Variants in RBFOX1 observed in about 807,000 individuals in gnomAD.
RBFOX1 encodes RNA binding fox-1 homolog 1.
Under a neutral mutation model 57.7 loss-of-function variants are expected in RBFOX1, and 8 were observed. The ratio of observed to expected loss-of-function variants is 0.14; its 90% CI spans 0.08 to 0.25. The LOEUF (loss-of-function observed/expected upper bound fraction) is 0.25. Among genes scored for constraint, RBFOX1 ranks in the 10% least tolerant of loss-of-function variants. The probability of loss-of-function intolerance (pLI) is 1.00; values close to 1 mark genes in which losing one functional copy is unlikely to be tolerated. For synonymous variants in RBFOX1, 326 were observed against 222.4 expected (o/e 1.47, Z -4.15); for missense variants, 611 against 548.5 (o/e 1.11, Z -1.14).
intron 5 of RBFOX1, among the ~76,000 whole-genome samples, chr16:7,530,007 T>TAAAAAAAAAAAAA (rs1601007128): frequency 9.3e-5 from 1 of 10,778 alleles, no homozygotes; most frequent in Non-Finnish European, 2.6e-4. Flanking sequence ...AGACTCCATC[T>TAAAAAAAAAAAAA]CAAAAAAAAA....
intron 3 of RBFOX1, among the ~76,000 whole-genome samples, chr16:6,893,203 C>G (rs762840415): frequency 6.6e-6 from 1 of 152,088 alleles, no homozygotes; most frequent in South Asian, 2.1e-4. Context: ...AGGAAATGGA[C>G]AAGCTCACAG....
At chr16:7,320,102 C>T (rs911066123) in intron 4 of RBFOX1, among the ~76,000 whole-genome samples, 1 of 152,132 alleles carries the variant, frequency 6.6e-6, no homozygotes, top group African/African-American at 2.4e-5. Flanking sequence ...TTGCAGGATA[C>T]ATGTGCAGGA....
intron 4 of RBFOX1, among the ~76,000 whole-genome samples, chr16:7,218,901 T>C (rs1172328143): frequency 6.6e-6 from 1 of 152,170 alleles, no homozygotes; most frequent in East Asian, 1.9e-4. Context: ...AGTTAGCATG[T>C]TCAGCACAAT....
chr16:6,559,228 A>G (rs879502872), intron 2 of RBFOX1, among the ~76,000 whole-genome samples: 2 of 152,052 alleles, frequency 1.3e-5, no homozygotes, highest in Non-Finnish European at 2.9e-5. Context: ...CAATGTCTAG[A>G]TAAGTTGTGC....
intron 2 of RBFOX1, among the ~76,000 whole-genome samples, chr16:6,559,442 A>G (rs2097150256): frequency 6.6e-6 from 1 of 152,038 alleles, no homozygotes; most frequent in Non-Finnish European, 1.5e-5. Flanking sequence ...TCTCAGCACC[A>G]TCTTCTCTTT....
intron 2 of RBFOX1, among the ~76,000 whole-genome samples, chr16:6,421,978 T>A (rs2093786867): frequency 6.9e-6 from 1 of 145,734 alleles, no homozygotes; most frequent in Non-Finnish European, 1.5e-5. Context: ...TGGAGTGCAG[T>A]GGTGCTATCT....
intron 4 of RBFOX1, among the ~76,000 whole-genome samples, chr16:5,921,219 T>C (rs1423926843): frequency 6.6e-6 from 1 of 152,254 alleles, no homozygotes; most frequent in Admixed American, 6.5e-5. Flanking sequence ...GGTCCCATTC[T>C]AGCTCATAAT....
chr16:6,937,385 G>C (rs1248894318), intron 3 of RBFOX1, among the ~76,000 whole-genome samples: 1 of 152,022 alleles, frequency 6.6e-6, no homozygotes, highest in African/African-American at 2.4e-5. Context: ...TTTTAGGAAA[G>C]TCTTATTAAT....
At chr16:7,464,654 C>G (rs540360549) in intron 4 of RBFOX1, among the ~76,000 whole-genome samples, 3 of 151,690 alleles carry the variant, frequency 2.0e-5, no homozygotes, top group Admixed American at 6.6e-5. Flanking sequence ...TTGGATCCCC[C>G]CTCCCCGCCC....
intron 2 of RBFOX1, among the ~76,000 whole-genome samples, chr16:6,484,534 G>T (rs1208778133): frequency 6.6e-6 from 1 of 152,140 alleles, no homozygotes; most frequent in Non-Finnish European, 1.5e-5. Context: ...GTGATGGAAT[G>T]AACTGTTATG....
At chr16:5,966,720 C>G (rs1027748369) in intron 4 of RBFOX1, among the ~76,000 whole-genome samples, 1 of 152,092 alleles carries the variant, frequency 6.6e-6, no homozygotes, top group Non-Finnish European at 1.5e-5. Context: ...GAGGATGGTG[C>G]TAAAATCATT....
chr16:7,141,316 C>G (rs2073722741), intron 4 of RBFOX1, among the ~76,000 whole-genome samples: 1 of 152,106 alleles, frequency 6.6e-6, no homozygotes, highest in Admixed American at 6.5e-5. Flanking sequence ...CACGGAATAC[C>G]AGACACAGTG....
chr16:6,441,307 G>C (rs1417739029), intron 2 of RBFOX1, among the ~76,000 whole-genome samples: 1 of 152,180 alleles, frequency 6.6e-6, no homozygotes, highest in Non-Finnish European at 1.5e-5. Flanking sequence ...CTAAGGGAAC[G>C]AGCTCTCTCC....
chr16:5,248,299 G>A (rs1015037515), intron 1 of RBFOX1, among the ~76,000 whole-genome samples: 6 of 152,244 alleles, frequency 3.9e-5, no homozygotes, highest in African/African-American at 7.2e-5. Context: ...ATAACCAGAT[G>A]GTGCATTTAA....
chr16:7,519,795 A>T, intron 5 of RBFOX1: 3 of 854,496 alleles, frequency 3.5e-6, no homozygotes, highest in Non-Finnish European at 4.2e-6. Context: ...TTGAAGCATG[A>T]TACATTTCCT....
At chr16:6,655,673 A>C (rs1427589912) in intron 3 of RBFOX1, among the ~76,000 whole-genome samples, 1 of 152,150 alleles carries the variant, frequency 6.6e-6, no homozygotes, top group African/African-American at 2.4e-5. Flanking sequence ...ATCAGATTTT[A>C]CCCTGTGTAT....
At chr16:7,567,080 GAT>G (rs1257061928) in intron 5 of RBFOX1, among the ~76,000 whole-genome samples, 2 of 142,722 alleles carry the variant, frequency 1.4e-5, no homozygotes, top group Non-Finnish European at 1.5e-5. Flanking sequence ...ATTAAAGCTG[GAT>G]ATATATATAT....
intron 4 of RBFOX1, among the ~76,000 whole-genome samples, chr16:7,497,412 C>T (rs2069042000): frequency 6.6e-6 from 1 of 152,084 alleles, no homozygotes; most frequent in African/African-American, 2.4e-5. Flanking sequence ...CATTTGATAC[C>T]TCCTGTCTCT....
chr16:5,664,537 C>G (rs1297746298), intron 3 of RBFOX1, among the ~76,000 whole-genome samples: 2 of 151,894 alleles, frequency 1.3e-5, no homozygotes, highest in Non-Finnish European at 1.5e-5. Flanking sequence ...CAGAGCGAGA[C>G]TCCTTCTTAA....
Sources: allele counts gnomAD v4.1 joint callset (sites outside exome capture counted in the v4.1 genomes callset), GRCh38; gene constraint gnomAD v4.1.1; transcripts MANE v1.5; gene names NCBI Gene and HGNC (gene_info 2026-07-23, HGNC 2026-07-21).